Variants in OAT observed in about 807,000 individuals in gnomAD.
The protein encoded by OAT is ornithine aminotransferase, mitochondrial.
Under a neutral mutation model 48.4 loss-of-function variants are expected in OAT, and 35 were observed. The observed-to-expected ratio is 0.72, with a 90% CI of 0.55 to 0.96. The LOEUF is 0.96. Ranked by LOEUF, OAT falls within the 40% of genes least tolerant of loss-of-function variation. The probability of loss-of-function intolerance (pLI) is 0.00; values close to 1 mark genes in which losing one functional copy is unlikely to be tolerated. For missense variants in OAT, 438 were observed against 537.9 expected (o/e 0.81, Z 1.84); for synonymous variants, 182 against 198.4 (o/e 0.92, Z 0.70).
rs1951674766 is a variant in OAT, at chr10:124,408,798, A to G, written c.367T>C (p.Tyr123His). The G allele has an allele frequency of 1.2e-6, 2 of 1,612,448 alleles. No homozygotes were observed. Among genetic ancestry groups the G allele is most frequent in the Non-Finnish European group, 1.7e-6 (2 of 1,179,774 alleles). The change falls in exon 3 of 10, where the codon TAT becomes CAT. Residue 123 changes from tyrosine to histidine, a missense_variant. Tyr to His is a moderately conservative substitution (Grantham distance 83). Transcript: ENST00000368845. The stretch of plus-strand genomic sequence containing the variant: ...AAAAGTTTAGTAATATACTCCTCAT[A>G]TTCACCAAGTACGTTATTATAGAAA... The part of the protein sequence containing the change: ...RAFYNNVLGE[Y>H]EEYITKLFNY...
chr10:124,398,155 C>CATACATATGGCAAGGGATG, intron 9 of OAT, 53 bp from the exon 10 acceptor site: 1 of 1,598,936 alleles, frequency 6.3e-7, no homozygotes. Context: ...TTAAACATCC[C>CATACATATGGCAAGGGATG]TTGCCGTATG....
intron 1 of OAT, chr10:124,414,218 T>C (rs529166057): frequency 3.9e-5 from 6 of 152,306 alleles, no homozygotes; most frequent in Non-Finnish European, 7.4e-5. Flanking sequence ...GCTGCCAAAT[T>C]AGCAAAACAT....
intron 4 of OAT, among the ~76,000 whole-genome samples, 195 bp downstream of exon 4, chr10:124,408,329 ATATATATATATATATTTT>A (rs1187145611): frequency 1.1e-5 from 1 of 90,556 alleles, no homozygotes; most frequent in East Asian, 3.3e-4. Context: ...ATATATATAT[ATATATATATATATATTTT>A]TTTTTTTTTT....
At chr10:124,404,856 C>T (rs986886153) in intron 5 of OAT, among the ~76,000 whole-genome samples, 14 of 152,240 alleles carry the variant, frequency 9.2e-5, no homozygotes, top group Non-Finnish European at 1.6e-4. Context: ...CCAGCCTGGC[C>T]AACGTGGCGA....
chr10:124,418,719 C>A (rs946042120), intron 1 of OAT, among the ~76,000 whole-genome samples, 154 bp downstream of exon 1: 1 of 152,050 alleles, frequency 6.6e-6, no homozygotes, highest in African/African-American at 2.4e-5. Context: ...AAGCGGGGCT[C>A]GTTCCCCGGC....
chr10:124,408,912 A>G lies in OAT; in HGVS notation c.253T>C (p.Tyr85His). 1 of 1,614,096 alleles carries G rather than the reference A, an allele frequency of 6.2e-7. No homozygotes were observed. Reference protein sequence around the residue: ...GRKYFDFLSSYSAVNQGHCHP... With the variant: ...GRKYFDFLSSHSAVNQGHCHP... The stretch of plus-strand genomic sequence containing the variant: ...CAATGCCCTTGGTTGACAGCACTGT[A>G]AGAACTCAGGAAGTCAAAATATTTT... The change falls in exon 3 of 10, where the codon TAC becomes CAC. Residue 85 changes from tyrosine (Y) to histidine (H), a missense_variant. Transcript: ENST00000368845.
chr10:124,413,643 T>A (rs1343581347), intron 1 of OAT, among the ~76,000 whole-genome samples: 4 of 152,072 alleles, frequency 2.6e-5, no homozygotes, highest in Non-Finnish European at 5.9e-5. Context: ...AGACTGCGCA[T>A]TGCACTCCAG....
chr10:124,417,758 A>C (rs566772323), intron 1 of OAT, among the ~76,000 whole-genome samples: 4 of 152,364 alleles, frequency 2.6e-5, no homozygotes, highest in African/African-American at 7.2e-5. Context: ...TATCCACAGA[A>C]ACCCTTTCAA....
At chr10:124,398,455 G>A (rs1241544597) in intron 9 of OAT, among the ~76,000 whole-genome samples, 4 of 151,466 alleles carry the variant, frequency 2.6e-5, no homozygotes, top group Non-Finnish European at 5.9e-5. Flanking sequence ...TGCAGTGAGC[G>A]GAGATCGCGC....
chr10:124,417,978 A>G (rs566083400), intron 1 of OAT, among the ~76,000 whole-genome samples: 3 of 152,236 alleles, frequency 2.0e-5, no homozygotes, highest in Non-Finnish European at 4.4e-5. Flanking sequence ...TTCGGGCCTC[A>G]GTCCTCTCGC....
In OAT at chr10:124,406,032, T is replaced by C. The variant is rs953210670; in HGVS notation, c.521-469A>G. The C allele has an allele frequency of 1.2e-5, 12 of 1,038,146 alleles. No homozygotes were observed. In the African/African-American group the frequency reaches 1.9e-4, roughly 16 times the overall value. 64.3% of individuals were successfully genotyped at this position (1,038,146 alleles called of 1,614,324 possible). A position where few individuals can be genotyped will look rare whatever the true frequency, so the allele number is the denominator to read the frequency against. ...CAACAGAATGCATTTCCAATTTCAT[T>C]TGGAGAAAAGATCCTCAAGCAATCC... On this transcript the variant is annotated intron_variant, in intron 4 of 9. Coordinates refer to ENST00000368845, the MANE Select transcript of OAT (RefSeq NM_000274.4).
intron 8 of OAT, 44 bp downstream of exon 8, chr10:124,401,682 A>G (rs368795187): frequency 3.1e-6 from 4 of 1,310,398 alleles, no homozygotes; most frequent in South Asian, 1.2e-5. Flanking sequence ...TCACTTCAAC[A>G]TTGCTTTAAA....
chr10:124,410,326 C>A (rs986735401), intron 2 of OAT, among the ~76,000 whole-genome samples: 11 of 152,136 alleles, frequency 7.2e-5, no homozygotes, highest in African/African-American at 2.7e-4. Flanking sequence ...GGAAAGAAGA[C>A]CAAGACAACC....
intron 1 of OAT, chr10:124,414,383 A>G (rs972348490): frequency 2.0e-5 from 3 of 152,244 alleles, no homozygotes; most frequent in Admixed American, 6.5e-5. Context: ...TCTAGAATAC[A>G]GATTTTTAAC....
chr10:124,408,716 T>C (rs951482596), intron 3 of OAT, 25 bp downstream of exon 3: 4 of 1,588,762 alleles, frequency 2.5e-6, no homozygotes, highest in Non-Finnish European at 3.5e-6. Flanking sequence ...TTGAGGGTAT[T>C]TAACAAAAAA....
intron 6 of OAT, 178 bp from the exon 7 acceptor site, chr10:124,403,233 G>T: frequency 2.9e-6 from 2 of 694,854 alleles, no homozygotes; most frequent in Non-Finnish European, 5.0e-6. Flanking sequence ...GAATCTTGTA[G>T]ACTCACCAAC....
chr10:124,406,062 ACGTTTC>A, intron 4 of OAT: 9 of 1,027,150 alleles, frequency 8.8e-6, no homozygotes, highest in Non-Finnish European at 9.4e-6. Flanking sequence ...CAATCCAAAC[ACGTTTC>A]CATTTTACCT....
chr10:124,412,887 AC>A (rs1320607477), intron 1 of OAT, among the ~76,000 whole-genome samples: 1 of 152,212 alleles, frequency 6.6e-6, no homozygotes, highest in Non-Finnish European at 1.5e-5. Context: ...TTAAGCACCT[AC>A]CACAGTCCGA....
At chr10:124,408,332 TA>T (rs1951650499) in intron 4 of OAT, among the ~76,000 whole-genome samples, 25 of 92,998 alleles carry the variant, frequency 2.7e-4, no homozygotes, top group African/African-American at 1.0e-3. Context: ...TATATATATA[TA>T]TATATATATA....
Sources: gnomAD v4.1 joint callset for allele counts (sites outside exome capture counted in the v4.1 genomes callset) on GRCh38, gnomAD v4.1.1 for gene constraint, MANE v1.5 for transcripts, NCBI Gene and HGNC (gene_info 2026-07-23, HGNC 2026-07-21) for gene names.